The following GALNT14 variants were observed in gnomAD, a reference collection of about 807,000 sequenced individuals.
The protein encoded by GALNT14 is UDP-GalNAc:polypeptide N-acetylgalactosaminyltransferase 14.
GALNT14 carries 60 observed loss-of-function variants against 77.5 expected under a neutral mutation model. The ratio of observed to expected loss-of-function variants is 0.77; its 90% confidence interval spans 0.63 to 0.96. The LOEUF (loss-of-function observed/expected upper bound fraction) is 0.96, where lower values mean the gene tolerates loss of function less well. Among genes scored for constraint, GALNT14 ranks in the 40% least tolerant of loss-of-function variants. The pLI is 0.00. For synonymous variants in GALNT14, 280 were observed against 281.7 expected, an observed-to-expected ratio of 0.99 and a Z score of 0.06; for missense variants, 710 against 731.0, an observed-to-expected ratio of 0.97 and a Z score of 0.33.
rs1174119035 is a variant in GALNT14, at chr2:30,938,384, A to ACACACACACACTCTCT, written c.931+3816_931+3817insAGAGAGTGTGTGTGTG. The stretch of plus-strand genomic sequence containing the variant: ...TACACACACACACACACACACACAC[A>ACACACACACACTCTCT]CTCTCTCTCTCTCTCTCTCTCTCTA... On this transcript the variant is annotated intron_variant, in intron 9 of 14. Coordinates refer to ENST00000349752, the MANE Select transcript of GALNT14 (RefSeq NM_024572.4). 2.7e-3 allele frequency among the ~76,000 whole-genome samples: 388 copies of ACACACACACACTCTCT among 141,760 alleles called. 1 individual carries two copies. The highest frequency in any genetic ancestry group is 9.8e-3 in the African/African-American group (374 of 38,246). 93.0% of individuals were successfully genotyped at this position (141,760 alleles called of 152,430 possible). A position where few individuals can be genotyped will look rare whatever the true frequency, so the allele number is the denominator to read the frequency against.
chr2:31,131,655 T>A (rs1039307278), intron 1 of GALNT14, among the ~76,000 whole-genome samples: 1 of 152,072 alleles, frequency 6.6e-6, no homozygotes, highest in South Asian at 2.1e-4. Flanking sequence ...AAAGCTGGGA[T>A]GGGGAGGCAT....
At chr2:31,122,599 C>T (rs1317744289) in intron 1 of GALNT14, among the ~76,000 whole-genome samples, 1 of 152,160 alleles carries the variant, frequency 6.6e-6, no homozygotes, top group Non-Finnish European at 1.5e-5. Flanking sequence ...TGAGATTCTG[C>T]ATTTCTAATG....
chr2:30,996,977 A>G (rs1326616834), intron 1 of GALNT14, among the ~76,000 whole-genome samples: 3 of 152,212 alleles, frequency 2.0e-5, no homozygotes, highest in Non-Finnish European at 1.5e-5. Context: ...TAAATAAAAT[A>G]AAATAATATC....
At chr2:31,080,156 TA>T (rs1676069301) in intron 1 of GALNT14, among the ~76,000 whole-genome samples, 1 of 152,212 alleles carries the variant, frequency 6.6e-6, no homozygotes, top group African/African-American at 2.4e-5. Context: ...GTGAAAACAG[TA>T]ACTCAAGTGG....
intron 1 of GALNT14, among the ~76,000 whole-genome samples, chr2:31,102,145 T>C (rs1271915329): frequency 6.6e-6 from 1 of 150,556 alleles, no homozygotes; most frequent in East Asian, 1.9e-4. Flanking sequence ...AAATTTATTT[T>C]AACTGCTTTG....
chr2:31,045,279 G>A (rs908011960), intron 1 of GALNT14, among the ~76,000 whole-genome samples: 3 of 152,154 alleles, frequency 2.0e-5, no homozygotes, highest in Non-Finnish European at 4.4e-5. Context: ...CAACTGTGGT[G>A]CCAAGCTGAG....
intron 2 of GALNT14, among the ~76,000 whole-genome samples, chr2:30,989,631 A>T (rs1207066739): frequency 7.9e-6 from 1 of 126,756 alleles, no homozygotes; most frequent in Non-Finnish European, 1.6e-5. Context: ...AGTATATATA[A>T]AAATATATAT....
At chr2:30,970,037 T>C (rs145299202) in intron 2 of GALNT14, among the ~76,000 whole-genome samples, 1 of 152,340 alleles carries the variant, frequency 6.6e-6, no homozygotes, top group Non-Finnish European at 1.5e-5. Context: ...CCTTAGACTA[T>C]TACTATGTTA....
the GALNT14 span, among the ~76,000 whole-genome samples, chr2:30,892,444 T>A: frequency 6.6e-6 from 1 of 152,174 alleles, no homozygotes; most frequent in African/African-American, 2.4e-5. Flanking sequence ...TACATTGATA[T>A]CAGACTGCTT....
At chr2:30,909,283 T>C (rs1341480886), downstream of GALNT14, among the ~76,000 whole-genome samples, 1 of 149,714 alleles carries the variant, frequency 6.7e-6, no homozygotes, top group Non-Finnish European at 1.5e-5. Flanking sequence ...ACCTACAAAA[T>C]GGGAGAAAAT....
chr2:30,977,641 A>G (rs73923318), intron 2 of GALNT14, among the ~76,000 whole-genome samples: 64 of 152,298 alleles, frequency 4.2e-4, no homozygotes, highest in African/African-American at 1.5e-3. Context: ...CCTGCAGCCA[A>G]GGAACTCCAG....
the GALNT14 span, among the ~76,000 whole-genome samples, chr2:30,899,374 C>G: frequency 6.6e-6 from 1 of 152,214 alleles, no homozygotes; most frequent in Non-Finnish European, 1.5e-5. Context: ...GACCATCCAG[C>G]TGGCCATCTC....
intron 1 of GALNT14, among the ~76,000 whole-genome samples, chr2:31,128,413 T>G (rs953990504): frequency 2.0e-5 from 3 of 152,166 alleles, no homozygotes; most frequent in African/African-American, 7.2e-5. Context: ...CTGGAGTCAT[T>G]TCCCCAGGCA....
chr2:31,084,551 G>A (rs1219655462), intron 1 of GALNT14, among the ~76,000 whole-genome samples: 4 of 152,154 alleles, frequency 2.6e-5, no homozygotes, highest in Non-Finnish European at 4.4e-5. Context: ...CCATGGAGTG[G>A]GGTATATTCT....
At chr2:30,914,169 A>G (rs1413734822) in intron 13 of GALNT14, among the ~76,000 whole-genome samples, 1 of 152,198 alleles carries the variant, frequency 6.6e-6, no homozygotes, top group African/African-American at 2.4e-5. Context: ...TAAGAATCCT[A>G]TTAAGTAGGT....
At chr2:30,992,231 T>G (rs1379263344) in intron 2 of GALNT14, among the ~76,000 whole-genome samples, 1 of 152,136 alleles carries the variant, frequency 6.6e-6, no homozygotes, top group Non-Finnish European at 1.5e-5. Context: ...AAACAAAACT[T>G]TCTACGTAGC....
intron 1 of GALNT14, among the ~76,000 whole-genome samples, chr2:31,132,278 G>C (rs1679033169): frequency 6.6e-6 from 1 of 152,184 alleles, no homozygotes; most frequent in Non-Finnish European, 1.5e-5. Flanking sequence ...TGGGATAGAG[G>C]CTCAGTGGTT....
intron 1 of GALNT14, among the ~76,000 whole-genome samples, chr2:31,072,876 C>T (rs552741191): frequency 1.3e-5 from 2 of 152,188 alleles, no homozygotes; most frequent in East Asian, 1.9e-4. Context: ...TTCTTTGAGC[C>T]CTGCATTTTT....
At chr2:30,907,331 A>G (rs1350773927), downstream of GALNT14, among the ~76,000 whole-genome samples, 2 of 152,192 alleles carry the variant, frequency 1.3e-5, no homozygotes, top group Admixed American at 6.5e-5. Context: ...ATAAAGAAAA[A>G]AAGAGAGAAG....
Sources: allele counts gnomAD v4.1 joint callset (sites outside exome capture counted in the v4.1 genomes callset), GRCh38; gene constraint gnomAD v4.1.1; transcripts MANE v1.5; gene names NCBI Gene and HGNC (gene_info 2026-07-23, HGNC 2026-07-21).